The following SLC14A2 variants were observed in gnomAD, a reference collection of about 807,000 sequenced individuals.
SLC14A2 encodes the protein solute carrier family 14 member 2.
SLC14A2 carries 91 observed loss-of-function variants against 104.6 expected under a neutral mutation model. The ratio of observed to expected loss-of-function variants is 0.87; its 90% confidence interval spans 0.73 to 1.04. The LOEUF (loss-of-function observed/expected upper bound fraction) is 1.04, where lower values mean the gene tolerates loss of function less well. SLC14A2 is among the 50% of genes least tolerant of loss of function. The probability of loss-of-function intolerance (pLI) is 0.00; values close to 1 mark genes in which losing one functional copy is unlikely to be tolerated. For missense variants in SLC14A2, 1,189 were observed against 1,156.0 expected (o/e 1.03, Z -0.41); for synonymous variants, 476 against 466.4 (o/e 1.02, Z -0.27).
intron 2 of SLC14A2, among the ~76,000 whole-genome samples, chr18:45,572,272 A>AAAAGC (rs2044358717): frequency 2.0e-5 from 3 of 152,168 alleles, no homozygotes; most frequent in Admixed American, 2.0e-4. Context: ...CTTCTTTCCT[A>AAAAGC]AAAGCATGTG....
chr18:45,217,575 C>A (rs547164752), intron 1 of SLC14A2, among the ~76,000 whole-genome samples: 1 of 152,080 alleles, frequency 6.6e-6, no homozygotes, highest in Non-Finnish European at 1.5e-5. Flanking sequence ...CTTCCTCCCC[C>A]ACATCCCTAG....
chr18:45,680,790 T>G (rs558113562), intron 19 of SLC14A2, among the ~76,000 whole-genome samples: 17 of 152,234 alleles, frequency 1.1e-4, no homozygotes, highest in Admixed American at 1.1e-3. Flanking sequence ...AGAACTGAGA[T>G]TCGGTTCTTG....
intron 1 of SLC14A2, among the ~76,000 whole-genome samples, chr18:45,338,682 CAAAAAAAAAAAAA>C (rs59474827): frequency 3.5e-4 from 18 of 51,856 alleles, no homozygotes; most frequent in South Asian, 6.6e-4. Context: ...CACTGGCTCA[CAAAAAAAAAAAAA>C]AAAAAAAAAA....
intron 1 of SLC14A2, among the ~76,000 whole-genome samples, chr18:45,222,493 G>A (rs2143996627): frequency 6.6e-6 from 1 of 152,306 alleles, no homozygotes; most frequent in South Asian, 2.1e-4. Context: ...TCAGAGGAAG[G>A]AGAACAGTGG....
chr18:45,326,357 G>GGA (rs370822881), intron 1 of SLC14A2, among the ~76,000 whole-genome samples: 4 of 151,744 alleles, frequency 2.6e-5, no homozygotes, highest in African/African-American at 9.7e-5. Context: ...CACCTCCTTT[G>GGA]GATTCTCTAT....
At chr18:45,364,251 C>T (rs1033394986) in intron 1 of SLC14A2, among the ~76,000 whole-genome samples, 1 of 151,856 alleles carries the variant, frequency 6.6e-6, no homozygotes. Context: ...TATTCCCTGT[C>T]ATTTGCTATG....
intron 5 of SLC14A2, among the ~76,000 whole-genome samples, chr18:45,635,641 A>T (rs1387484900): frequency 2.6e-5 from 4 of 152,226 alleles, no homozygotes. Context: ...TGGGGATAGC[A>T]CAGAAAGCCA....
chr18:45,648,364 A>C (rs1680404587), intron 10 of SLC14A2, among the ~76,000 whole-genome samples: 2 of 151,640 alleles, frequency 1.3e-5, no homozygotes, highest in Admixed American at 6.6e-5. Flanking sequence ...CGCCACCACG[A>C]CCAGCTAATT....
intron 2 of SLC14A2, among the ~76,000 whole-genome samples, chr18:45,560,738 C>G (rs536096828): frequency 2.3e-4 from 35 of 152,238 alleles, no homozygotes; most frequent in African/African-American, 8.4e-4. Context: ...TCAGCCCCTT[C>G]CCCAACAGCT....
chr18:45,195,008 G>A, the SLC14A2 span, among the ~76,000 whole-genome samples: 1 of 152,058 alleles, frequency 6.6e-6, no homozygotes, highest in Non-Finnish European at 1.5e-5. Context: ...AGGCGTGAAT[G>A]GGCAGAGAAA....
intron 10 of SLC14A2, among the ~76,000 whole-genome samples, chr18:45,654,535 A>G (rs942603389): frequency 6.6e-6 from 1 of 152,186 alleles, no homozygotes; most frequent in Non-Finnish European, 1.5e-5. Flanking sequence ...AGAAGAAAGA[A>G]AGGCTAGTCT....
intron 1 of SLC14A2, among the ~76,000 whole-genome samples, chr18:45,401,278 G>A (rs1345287801): frequency 1.3e-5 from 2 of 152,100 alleles, no homozygotes; most frequent in African/African-American, 4.8e-5. Context: ...ATAATGTTAT[G>A]AATATTTTCA....
chr18:45,646,627 C>G (rs538489574), intron 10 of SLC14A2: 1 of 152,334 alleles, frequency 6.6e-6, no homozygotes, highest in South Asian at 2.1e-4. Flanking sequence ...CTGATTTGGA[C>G]AAGATTATCG....
intron 1 of SLC14A2, among the ~76,000 whole-genome samples, chr18:45,372,493 C>T (rs2085733737): frequency 6.6e-6 from 1 of 152,168 alleles, no homozygotes; most frequent in Non-Finnish European, 1.5e-5. Flanking sequence ...CAGGGAGTTA[C>T]TGCCAGAGCT....
At chr18:45,387,227 A>G (rs541040716) in intron 1 of SLC14A2, among the ~76,000 whole-genome samples, 1 of 152,226 alleles carries the variant, frequency 6.6e-6, no homozygotes, top group Non-Finnish European at 1.5e-5. Flanking sequence ...TATGCTACTT[A>G]TATCAGTCAA....
At position 45,549,163 on chromosome 18, in the gene SLC14A2, G is replaced by A. The variant is rs114171011; in HGVS notation, c.-35+65841G>A. ...AAAGGACTGGCAATGTGACCACAAG[G>A]GGCCTCACCATTCCCTAGAGAGGAG... On this transcript the variant is annotated intron_variant, in intron 2 of 20. Coordinates refer to the SLC14A2 transcript ENST00000586448. Among the ~76,000 whole-genome samples the A allele has an allele frequency of 8.2e-3, 1,246 of 152,370 alleles. 17 individuals carry two copies. Among genetic ancestry groups the A allele is most frequent in the African/African-American group, 0.028 (1,180 of 41,588 alleles).
At chr18:45,280,444 G>T (rs2084750561) in intron 1 of SLC14A2, among the ~76,000 whole-genome samples, 1 of 152,164 alleles carries the variant, frequency 6.6e-6, no homozygotes, top group African/African-American at 2.4e-5. Context: ...TTGGTCGATT[G>T]AGGTTACACA....
chr18:45,218,348 C>T (rs988160703), intron 1 of SLC14A2, among the ~76,000 whole-genome samples: 1 of 152,224 alleles, frequency 6.6e-6, no homozygotes, highest in Admixed American at 6.5e-5. Context: ...GAATTTACTT[C>T]CTTTTCAAGG....
Position 45,543,042 on chromosome 18 carries a change from G to A in SLC14A2, c.-35+59720G>A, listed in dbSNP as rs191200145. Among the ~76,000 whole-genome samples the A allele has an allele frequency of 4.8e-3, 732 of 151,950 alleles. 1 individual carries two copies. Among genetic ancestry groups the A allele is most frequent in the Non-Finnish European group, 5.9e-3 (399 of 67,976 alleles). ...TGACTCACTGTAACCTCCGCTTCCCGGGTTAAAGTGATCCTCCTGCCTCAG... is the reference window on the plus strand; with the variant it reads ...TGACTCACTGTAACCTCCGCTTCCCAGGTTAAAGTGATCCTCCTGCCTCAG... On this transcript the variant is annotated intron_variant, in intron 2 of 20. Transcript: ENST00000586448.
Sources: allele counts gnomAD v4.1 joint callset (sites outside exome capture counted in the v4.1 genomes callset), GRCh38; gene constraint gnomAD v4.1.1; transcripts MANE v1.5; gene names NCBI Gene and HGNC (gene_info 2026-07-23, HGNC 2026-07-21).